The following RUNDC3B variants were observed in gnomAD, a reference collection of about 807,000 sequenced individuals.
RUNDC3B encodes the protein RUN domain-containing protein 3B.
A neutral mutation model predicts 58.4 loss-of-function variants in RUNDC3B; 33 were observed. That is an observed-to-expected ratio of 0.56 (90% confidence interval 0.43 to 0.75). The LOEUF is 0.75. RUNDC3B is among the 30% of genes least tolerant of loss of function. The pLI, the probability that RUNDC3B is intolerant of heterozygous loss-of-function variation, is 0.00. For missense variants in RUNDC3B, 501 were observed against 535.7 expected (o/e 0.94, Z 0.64); for synonymous variants, 193 against 195.2 (o/e 0.99, Z 0.10).
intron 1 of RUNDC3B, among the ~76,000 whole-genome samples, chr7:87,647,035 A>G (rs757996144): frequency 2.0e-5 from 3 of 152,208 alleles, no homozygotes; most frequent in Non-Finnish European, 2.9e-5. Context: ...AGCATTCCTC[A>G]ATCAGGGTTC....
At chr7:87,736,877 ATATATATATATATTTTTTT>A (rs1181624659) in intron 4 of RUNDC3B, among the ~76,000 whole-genome samples, 8 of 34,048 alleles carry the variant, frequency 2.3e-4, no homozygotes, top group Admixed American at 7.8e-4. Context: ...ATATATATAT[ATATATATATATATTTTTTT>A]TTTTTTTTTT....
chr7:87,753,035 A>C (rs1234043444), intron 6 of RUNDC3B, among the ~76,000 whole-genome samples: 1 of 151,862 alleles, frequency 6.6e-6, no homozygotes, highest in East Asian at 1.9e-4. Context: ...TTCCCTCTAC[A>C]CACTGCTTTG....
intron 4 of RUNDC3B, among the ~76,000 whole-genome samples, chr7:87,720,568 G>C (rs1245525103): frequency 1.3e-5 from 2 of 151,016 alleles, no homozygotes; most frequent in African/African-American, 4.9e-5. Context: ...GTGTGTGTGT[G>C]TGTGTGTATG....
intron 3 of RUNDC3B, among the ~76,000 whole-genome samples, chr7:87,705,382 T>C (rs1829494585): frequency 6.6e-6 from 1 of 152,294 alleles, no homozygotes; most frequent in East Asian, 1.9e-4. Flanking sequence ...GCCGAGATCA[T>C]GCCATTGCAC....
intron 2 of RUNDC3B, among the ~76,000 whole-genome samples, chr7:87,698,755 G>A (rs923360414): frequency 1.3e-4 from 20 of 152,098 alleles, no homozygotes; most frequent in Admixed American, 2.0e-4. Context: ...TGATCTTACC[G>A]CCTAATATGT....
rs539505009 is a variant in RUNDC3B at position 87,662,400 on chromosome 7, A to T, written c.238+11463A>T. Among the ~76,000 whole-genome samples, 5 of 151,984 alleles carry T rather than the reference A, an allele frequency of 3.3e-5. No individual in the cohort carries two copies. The South Asian group carries it at 8.3e-4, about 25-fold the overall frequency. On this transcript the variant is annotated intron_variant, in intron 2 of 10. Transcript: ENST00000394654. ...ACACTTTCAGGTTTTAGATTTCAGTATTTAATCCATTTTGATTTGATTTTT... is the reference window on the plus strand; with the variant it reads ...ACACTTTCAGGTTTTAGATTTCAGTTTTTAATCCATTTTGATTTGATTTTT...
chr7:87,638,811 G>T (rs574946656), intron 1 of RUNDC3B, among the ~76,000 whole-genome samples: 1 of 151,864 alleles, frequency 6.6e-6, no homozygotes, highest in African/African-American at 2.4e-5. Context: ...CTGTCGACTC[G>T]TGTTATGACT....
Position 87,628,899 on chromosome 7 carries a change from G to T in RUNDC3B, c.76G>T (p.Ala26Ser), listed in dbSNP as rs767918635. 6 of 1,305,490 alleles carry T rather than the reference G, an allele frequency of 4.6e-6. No individual in the cohort carries two copies. Among genetic ancestry groups the T allele is most frequent in the Non-Finnish European group, 3.9e-6 (4 of 1,019,260 alleles). 80.9% of individuals were successfully genotyped at this position (1,305,490 alleles called of 1,614,324 possible). ...CGGAGGCGGCAAGAAAAGCCTGAGCGCCCGCAATGCTGCGGTGGAGAGGAG... is the reference window on the plus strand; with the variant it reads ...CGGAGGCGGCAAGAAAAGCCTGAGCTCCCGCAATGCTGCGGTGGAGAGGAG... The part of the protein sequence containing the change: ...GGGGGKKSLS[A>S]RNAAVERRNL... The change falls in exon 1 of 11, where the codon GCC (alanine) becomes TCC (serine). Residue 26 changes from alanine to serine, a missense_variant. Physicochemically the swap from Ala to Ser is moderately conservative, Grantham distance 99. Transcript: ENST00000394654.
At position 87,830,068 on chromosome 7, in the gene RUNDC3B, A is replaced by C. The variant is rs760142800; in HGVS notation, c.*38A>C. The C allele has an allele frequency of 7.0e-7, 1 of 1,431,190 alleles. No homozygotes were observed. The highest frequency in any genetic ancestry group is 1.4e-5 in the South Asian group (1 of 73,626). 88.7% of individuals were successfully genotyped at this position (1,431,190 alleles called of 1,614,324 possible). ...AAAAGCCAAAACTTTTTATGTTGTA[A>C]ATGTTTAATTTACATGTTTGACTGC... On this transcript the variant is annotated 3_prime_UTR_variant, in exon 11 of 11. Coordinates refer to ENST00000394654, the MANE Select transcript of RUNDC3B (RefSeq NM_001134405.2).
chr7:87,715,128 A>G (rs1274826419), intron 4 of RUNDC3B, among the ~76,000 whole-genome samples: 1 of 148,746 alleles, frequency 6.7e-6, no homozygotes, highest in Non-Finnish European at 1.5e-5. Flanking sequence ...ATTCAATGCA[A>G]TAACTCCAGT....
Position 87,786,370 on chromosome 7 carries a change from G to A in RUNDC3B, c.956+8415G>A, listed in dbSNP as rs1193431792. On this transcript the variant is annotated intron_variant, in intron 8 of 10. Transcript: ENST00000394654. ...GAACAAAAAATTTTAATATTTTTTA[G>A]GAATTTGTATTTTGATGAAAAGAAT... Among the ~76,000 whole-genome samples the A allele has an allele frequency of 2.0e-5, 3 of 151,666 alleles. No individual in the cohort carries two copies. In the East Asian group the frequency reaches 5.8e-4, roughly 29 times the overall value.
intron 2 of RUNDC3B, among the ~76,000 whole-genome samples, chr7:87,699,225 T>C (rs1356649428): frequency 6.6e-6 from 1 of 151,998 alleles, no homozygotes; most frequent in African/African-American, 2.4e-5. Context: ...TAAATCATGA[T>C]GAAAAAAGCA....
In RUNDC3B at chr7:87,830,130, A is replaced by G. The variant is rs1019486570; in HGVS notation, c.*100A>G. On this transcript the variant is annotated 3_prime_UTR_variant, in exon 11 of 11. Coordinates refer to ENST00000394654, the MANE Select transcript of RUNDC3B (RefSeq NM_001134405.2). ...TTGAAATTTTATATTGTTCTGGTACATGTCTGAAATTCTATTGCTTGGAGA... is the reference window on the plus strand; with the variant it reads ...TTGAAATTTTATATTGTTCTGGTACGTGTCTGAAATTCTATTGCTTGGAGA... 3 of 586,454 alleles carry G rather than the reference A, an allele frequency of 5.1e-6. No homozygotes were observed. Among genetic ancestry groups the G allele is most frequent in the East Asian group, 3.2e-5 (1 of 31,052 alleles). 36.3% of individuals were successfully genotyped at this position (586,454 alleles called of 1,614,324 possible).
chr7:87,641,157 A>G (rs752338773), intron 1 of RUNDC3B, among the ~76,000 whole-genome samples: 2 of 152,204 alleles, frequency 1.3e-5, no homozygotes, highest in African/African-American at 2.4e-5. Context: ...TTTTAGTACT[A>G]TCATGTTTAC....
At chr7:87,647,092 C>A (rs1480891839) in intron 1 of RUNDC3B, among the ~76,000 whole-genome samples, 1 of 152,128 alleles carries the variant, frequency 6.6e-6, no homozygotes, top group Non-Finnish European at 1.5e-5. Flanking sequence ...TTATATTTTC[C>A]ATTATCCCAT....
At chr7:87,710,141 TTAAA>T (rs1359684609) in intron 3 of RUNDC3B, among the ~76,000 whole-genome samples, 6 of 152,204 alleles carry the variant, frequency 3.9e-5, no homozygotes, top group African/African-American at 7.2e-5. Flanking sequence ...GAAAATTTTC[TTAAA>T]TAAGTGATGT....
At chr7:87,725,376 T>A (rs1462890634) in intron 4 of RUNDC3B, among the ~76,000 whole-genome samples, 1 of 152,210 alleles carries the variant, frequency 6.6e-6, no homozygotes, top group African/African-American at 2.4e-5. Context: ...TTGGTGAGAA[T>A]GATGGTTTCC....
At chr7:87,687,744 A>C (rs188430635) in intron 2 of RUNDC3B, among the ~76,000 whole-genome samples, 276 of 152,238 alleles carry the variant, frequency 1.8e-3, no homozygotes, top group African/African-American at 6.5e-3. Context: ...GAATTTCTCT[A>C]ATCCAATTGA....
chr7:87,748,458 G>A (rs1832776105), intron 6 of RUNDC3B, among the ~76,000 whole-genome samples: 1 of 152,152 alleles, frequency 6.6e-6, no homozygotes, highest in Non-Finnish European at 1.5e-5. Context: ...AGCCTCCGCA[G>A]GCTGCTCTGT....
Sources: gnomAD v4.1 joint callset for allele counts (sites outside exome capture counted in the v4.1 genomes callset) on GRCh38, gnomAD v4.1.1 for gene constraint, MANE v1.5 for transcripts, NCBI Gene and HGNC (gene_info 2026-07-23, HGNC 2026-07-21) for gene names.